Variants in XKR6 observed in about 807,000 individuals in gnomAD.
XKR6 encodes XK related 6.
Under a neutral mutation model 56.7 loss-of-function variants are expected in XKR6, and 22 were observed. The observed-to-expected ratio is 0.39, with a 90% CI of 0.28 to 0.55. XKR6 has a LOEUF of 0.55. Among genes scored for constraint, XKR6 ranks in the 20% least tolerant of loss-of-function variants. The probability of loss-of-function intolerance (pLI) is 0.66; values close to 1 mark genes in which losing one functional copy is unlikely to be tolerated. For synonymous variants in XKR6, 524 were observed against 387.8 expected (o/e 1.35, Z -4.13); for missense variants, 852 against 889.0 (o/e 0.96, Z 0.53).
chr8:11,137,740 C>T (rs1284870096), intron 1 of XKR6: 1 of 455,954 alleles, frequency 2.2e-6, no homozygotes, highest in East Asian at 6.9e-5. Context: ...AACCAGTTGG[C>T]TCTGAATCGA....
chr8:11,047,019 G>A (rs1031648294), intron 1 of XKR6, among the ~76,000 whole-genome samples: 1 of 151,866 alleles, frequency 6.6e-6, no homozygotes, highest in African/African-American at 2.4e-5. Context: ...GGCGGGTGTT[G>A]GTCAAAGGGC....
At chr8:11,141,220 GGAC>G (rs1800682412) in intron 1 of XKR6, among the ~76,000 whole-genome samples, 4 of 152,118 alleles carry the variant, frequency 2.6e-5, no homozygotes, top group African/African-American at 9.7e-5. Flanking sequence ...GTGTATTGTG[GGAC>G]AAAGCAAATA....
chr8:11,033,216 G>C (rs1403654586), intron 1 of XKR6, among the ~76,000 whole-genome samples: 2 of 152,080 alleles, frequency 1.3e-5, no homozygotes, highest in Non-Finnish European at 2.9e-5. Flanking sequence ...TGGTGCTAAG[G>C]ATGGTTACGA....
At chr8:10,984,834 A>T (rs1797824348) in intron 1 of XKR6, among the ~76,000 whole-genome samples, 1 of 150,684 alleles carries the variant, frequency 6.6e-6, no homozygotes. Context: ...AAGCCATCTG[A>T]TGTTCTTAGG....
At chr8:11,136,651 G>A (rs948342077) in intron 1 of XKR6, among the ~76,000 whole-genome samples, 1 of 152,140 alleles carries the variant, frequency 6.6e-6, no homozygotes, top group Non-Finnish European at 1.5e-5. Flanking sequence ...AGAGACAAGA[G>A]GGATGATCTC....
intron 1 of XKR6, among the ~76,000 whole-genome samples, chr8:11,131,676 G>A (rs1800110213): frequency 6.6e-6 from 1 of 152,072 alleles, no homozygotes; most frequent in Admixed American, 6.5e-5. Context: ...ACAATATTCT[G>A]GTCAATGATG....
chr8:11,086,206 C>A (rs1001256358), intron 1 of XKR6, among the ~76,000 whole-genome samples: 5 of 150,772 alleles, frequency 3.3e-5, no homozygotes, highest in African/African-American at 1.2e-4. Context: ...CTTGCTAATG[C>A]ATCAACTCAC....
At chr8:11,104,920 G>A (rs575036695) in intron 1 of XKR6, 1 of 152,198 alleles carries the variant, frequency 6.6e-6, no homozygotes, top group Non-Finnish European at 1.5e-5. Flanking sequence ...GTCTGTTCGA[G>A]AGATTTCCAG....
intron 2 of XKR6, among the ~76,000 whole-genome samples, chr8:10,905,121 G>T (rs1482272810): frequency 6.6e-6 from 1 of 152,112 alleles, no homozygotes; most frequent in African/African-American, 2.4e-5. Flanking sequence ...CATTTACACA[G>T]CATGGTCCCT....
chr8:11,138,357 A>G (rs1365579011), intron 1 of XKR6: 1 of 152,362 alleles, frequency 6.6e-6, no homozygotes, highest in South Asian at 2.1e-4. Context: ...GGCATCTATC[A>G]TAAAGAAACA....
intron 1 of XKR6, among the ~76,000 whole-genome samples, chr8:10,952,216 C>G (rs7821006): frequency 0.66 from 100,289 of 151,934 alleles, 35,879 homozygotes; most frequent in African/African-American, 0.92. Flanking sequence ...CACCCACAGG[C>G]CTCCCCGTGA....
intron 1 of XKR6, among the ~76,000 whole-genome samples, chr8:11,075,956 G>C (rs1173323237): frequency 6.6e-6 from 1 of 152,200 alleles, no homozygotes; most frequent in Non-Finnish European, 1.5e-5. Context: ...ATAGCCAAAA[G>C]ATGGAAGCAG....
intron 1 of XKR6, among the ~76,000 whole-genome samples, chr8:11,179,459 A>T (rs1247959110): frequency 6.6e-6 from 1 of 152,212 alleles, no homozygotes; most frequent in East Asian, 1.9e-4. Context: ...GGCTGAGGCT[A>T]TTCTCAAGGT....
intron 1 of XKR6, among the ~76,000 whole-genome samples, chr8:11,089,799 G>A (rs141727634): frequency 4.5e-4 from 68 of 152,120 alleles, no homozygotes; most frequent in Non-Finnish European, 8.4e-4. Context: ...TGTCTTCTCC[G>A]TCATCTTCCC....
chr8:11,087,628 C>A (rs948141024), intron 1 of XKR6, among the ~76,000 whole-genome samples: 16 of 152,186 alleles, frequency 1.1e-4, no homozygotes, highest in Admixed American at 7.9e-4. Flanking sequence ...ACCAAGGGAA[C>A]CAGCCTAACA....
At chr8:11,031,904 C>G (rs1309107173) in intron 1 of XKR6, among the ~76,000 whole-genome samples, 1 of 152,204 alleles carries the variant, frequency 6.6e-6, no homozygotes, top group East Asian at 1.9e-4. Flanking sequence ...CCCAGCCTAT[C>G]CTAAGGAAGT....
At chr8:10,972,661 T>G (rs1239523015) in intron 1 of XKR6, among the ~76,000 whole-genome samples, 1 of 151,932 alleles carries the variant, frequency 6.6e-6, no homozygotes, top group Non-Finnish European at 1.5e-5. Flanking sequence ...TTCAGAGGAG[T>G]CACATTCACA....
At position 11,199,211 on chromosome 8, in the gene XKR6, G is replaced by C. The variant is rs117671785; in HGVS notation, c.764+1365C>G. On this transcript the variant is annotated intron_variant, in intron 1 of 2. Coordinates refer to ENST00000416569, the MANE Select transcript of XKR6 (RefSeq NM_173683.4). The stretch of plus-strand genomic sequence containing the variant: ...TAGTAAACAACTCTGGGTGGTGCAG[G>C]GCCTACGGAACCACCCTCACTTCCC... Among the ~76,000 whole-genome samples the C allele has an allele frequency of 3.2e-3, 488 of 152,216 alleles. 10 individuals carry two copies. The highest frequency in any genetic ancestry group is 0.022 in the South Asian group (105 of 4,828).
intron 1 of XKR6, chr8:11,002,473 GAA>G (rs2129143421): frequency 2.5e-6 from 1 of 401,980 alleles, no homozygotes; most frequent in East Asian, 9.7e-5. Flanking sequence ...GAAGGCAGGA[GAA>G]AAAGACTCAA....
Sources: allele counts gnomAD v4.1 joint callset (sites outside exome capture counted in the v4.1 genomes callset), GRCh38; gene constraint gnomAD v4.1.1; transcripts MANE v1.5; gene names NCBI Gene and HGNC (gene_info 2026-07-23, HGNC 2026-07-21).